Variants in FAF1 observed in about 807,000 individuals in gnomAD.
FAF1 encodes Fas associated factor 1.
FAF1 carries 25 observed loss-of-function variants against 92.5 expected under a neutral mutation model. That is an observed-to-expected ratio of 0.27 (90% CI 0.20 to 0.38). FAF1 has a LOEUF of 0.38. Ranked by LOEUF, FAF1 falls within the 10% of genes least tolerant of loss-of-function variation. The probability of loss-of-function intolerance (pLI) is 1.00; values close to 1 mark genes in which losing one functional copy is unlikely to be tolerated. For synonymous variants in FAF1, 234 were observed against 273.2 expected (o/e 0.86, Z 1.42); for missense variants, 636 against 793.3 (o/e 0.80, Z 2.38).
chr1:50,701,103 G>C (rs1657454850), intron 7 of FAF1, among the ~76,000 whole-genome samples: 1 of 152,024 alleles, frequency 6.6e-6, no homozygotes, highest in Non-Finnish European at 1.5e-5. Flanking sequence ...ATAAAGGCTT[G>C]AATTCACTGC....
At chr1:50,826,054 T>C (rs537007233) in intron 2 of FAF1, among the ~76,000 whole-genome samples, 463 of 152,268 alleles carry the variant, frequency 3.0e-3, no homozygotes, top group Non-Finnish European at 5.3e-3. Flanking sequence ...TAATGATACA[T>C]ATTAAGTATG....
intron 15 of FAF1, among the ~76,000 whole-genome samples, chr1:50,506,116 T>C (rs1486083876): frequency 2.0e-5 from 3 of 152,208 alleles, no homozygotes; most frequent in Non-Finnish European, 2.9e-5. Flanking sequence ...AAAGGAATAA[T>C]GGACAGGTTT....
At chr1:50,839,710 T>C (rs1294450140) in intron 2 of FAF1, among the ~76,000 whole-genome samples, 2 of 152,004 alleles carry the variant, frequency 1.3e-5, no homozygotes, top group Non-Finnish European at 2.9e-5. Flanking sequence ...CAAAAACTAG[T>C]AATTGAAAAA....
chr1:50,821,062 C>A (rs1354739166), intron 2 of FAF1, among the ~76,000 whole-genome samples: 1 of 152,074 alleles, frequency 6.6e-6, no homozygotes, highest in African/African-American at 2.4e-5. Flanking sequence ...TATTTCTGCA[C>A]CAACCTAATA....
chr1:50,694,546 A>G (rs1657099695), intron 7 of FAF1, among the ~76,000 whole-genome samples: 1 of 150,888 alleles, frequency 6.6e-6, no homozygotes, highest in African/African-American at 2.4e-5. Flanking sequence ...CTATAACACT[A>G]TAGCCAGGAA....
chr1:50,521,746 G>T (rs1160141798), intron 15 of FAF1, among the ~76,000 whole-genome samples: 1 of 152,148 alleles, frequency 6.6e-6, no homozygotes, highest in African/African-American at 2.4e-5. Context: ...AATCAAAAAA[G>T]AATGCATTAC....
At chr1:50,894,560 T>C (rs1297540625) in intron 1 of FAF1, among the ~76,000 whole-genome samples, 1 of 151,656 alleles carries the variant, frequency 6.6e-6, no homozygotes, top group Non-Finnish European at 1.5e-5. Context: ...AGCTGCAGAG[T>C]ACACATTATT....
At chr1:50,474,163 A>C (rs1275188490) in intron 18 of FAF1, among the ~76,000 whole-genome samples, 1 of 152,218 alleles carries the variant, frequency 6.6e-6, no homozygotes, top group Non-Finnish European at 1.5e-5. Flanking sequence ...CTTTCAACTC[A>C]TTGGTCCCAG....
chr1:50,559,167 C>G (rs555908305), intron 13 of FAF1, among the ~76,000 whole-genome samples: 1 of 151,874 alleles, frequency 6.6e-6, no homozygotes, highest in South Asian at 2.1e-4. Context: ...AGGAGAATTG[C>G]TTGAACCCAG....
intron 1 of FAF1, among the ~76,000 whole-genome samples, chr1:50,907,812 CA>C (rs996041708): frequency 7.9e-5 from 12 of 151,932 alleles, no homozygotes; most frequent in African/African-American, 2.7e-4. Context: ...CTGATCTTTT[CA>C]AAAATCACCT....
chr1:50,741,414 T>C (rs899470375), intron 5 of FAF1, among the ~76,000 whole-genome samples: 1 of 152,234 alleles, frequency 6.6e-6, no homozygotes, highest in African/African-American at 2.4e-5. Context: ...ACAATAACTT[T>C]TAAACTATTG....
chr1:50,882,656 G>A (rs1644622987), intron 1 of FAF1, among the ~76,000 whole-genome samples: 1 of 150,866 alleles, frequency 6.6e-6, no homozygotes, highest in South Asian at 2.1e-4. Flanking sequence ...AAATGTGTAT[G>A]TATGTATGTA....
chr1:50,751,965 T>C (rs949589856), intron 4 of FAF1, among the ~76,000 whole-genome samples: 3 of 151,952 alleles, frequency 2.0e-5, no homozygotes, highest in African/African-American at 7.2e-5. Flanking sequence ...TGTGGGAAGG[T>C]TTTGTTTTTG....
intron 4 of FAF1, among the ~76,000 whole-genome samples, chr1:50,754,553 T>G (rs921111440): frequency 1.3e-5 from 2 of 152,232 alleles, no homozygotes; most frequent in African/African-American, 4.8e-5. Context: ...TGAAATGGAC[T>G]TTTCCTACTT....
At chr1:50,714,535 A>G (rs1006044336) in intron 6 of FAF1, among the ~76,000 whole-genome samples, 1 of 151,892 alleles carries the variant, frequency 6.6e-6, no homozygotes, top group Non-Finnish European at 1.5e-5. Context: ...AAAAAACCAA[A>G]ACAAACAAAC....
intron 13 of FAF1, among the ~76,000 whole-genome samples, chr1:50,565,002 A>G (rs546212233): frequency 2.6e-5 from 4 of 152,074 alleles, no homozygotes; most frequent in African/African-American, 9.6e-5. Flanking sequence ...TTTTAAAAAA[A>G]CTTTTATGTT....
chr1:50,584,877 A>G (rs1651151530), intron 9 of FAF1, 66 bp from the exon 10 acceptor site: 1 of 1,426,394 alleles, frequency 7.0e-7, no homozygotes, highest in Admixed American at 1.8e-5. Flanking sequence ...AGAATAAGTT[A>G]TAATAATAAC....
At chr1:50,742,538 C>A (rs1214848516) in intron 5 of FAF1, among the ~76,000 whole-genome samples, 1 of 152,080 alleles carries the variant, frequency 6.6e-6, no homozygotes, top group Non-Finnish European at 1.5e-5. Context: ...TGTGCACCAC[C>A]ACGCCCAGCT....
chr1:50,518,061 C>T (rs1158574793), intron 15 of FAF1, among the ~76,000 whole-genome samples: 1 of 152,194 alleles, frequency 6.6e-6, no homozygotes, highest in Non-Finnish European at 1.5e-5. Flanking sequence ...CCACCACAAT[C>T]AGGATACGAA....
Sources: allele counts gnomAD v4.1 joint callset (sites outside exome capture counted in the v4.1 genomes callset), GRCh38; gene constraint gnomAD v4.1.1; transcripts MANE v1.5; gene names NCBI Gene and HGNC (gene_info 2026-07-23, HGNC 2026-07-21).